The following TCEA3 variants were observed in gnomAD, a reference collection of about 807,000 sequenced individuals.
TCEA3 encodes the protein transcription elongation factor A3, also known as transcription elongation factor A protein 3.
A neutral mutation model predicts 44.0 loss-of-function variants in TCEA3; 36 were observed. The observed-to-expected ratio is 0.82, with a 90% confidence interval of 0.63 to 1.08. The LOEUF (loss-of-function observed/expected upper bound fraction) is 1.08. TCEA3 is among the 50% of genes least tolerant of loss of function. The pLI is 0.00. For missense variants in TCEA3, 392 were observed against 441.2 expected, an observed-to-expected ratio of 0.89 and a Z score of 1.00; for synonymous variants, 162 against 159.7, an observed-to-expected ratio of 1.01 and a Z score of -0.11.
At chr1:23,396,264 C>T (rs544389148) in intron 7 of TCEA3, among the ~76,000 whole-genome samples, 9 of 152,274 alleles carry the variant, frequency 5.9e-5, no homozygotes, top group Admixed American at 2.6e-4. Context: ...TCAAAAGGGT[C>T]GCTCACACCT....
chr1:23,391,149 T>C (rs1398425087), intron 8 of TCEA3, among the ~76,000 whole-genome samples: 9 of 102,460 alleles, frequency 8.8e-5, no homozygotes, highest in Non-Finnish European at 1.9e-5. Flanking sequence ...TCTTTCTTTC[T>C]TTTTTTTTTT....
intron 7 of TCEA3, among the ~76,000 whole-genome samples, chr1:23,397,240 G>A (rs1639242528): frequency 6.6e-6 from 1 of 152,164 alleles, no homozygotes; most frequent in African/African-American, 2.4e-5. Context: ...AGCTGTATGG[G>A]CTTTGGGAAA....
rs112946117 is a variant in TCEA3, at chr1:23,406,669, T to C, written c.443+1995A>G. 2.3e-3 allele frequency among the ~76,000 whole-genome samples: 344 copies of C among 152,330 alleles called. 4 individuals are homozygous for C. Among genetic ancestry groups the C allele is most frequent in the Middle Eastern group, 0.02 (6 of 294 alleles). ...TGTTGTGTTTTGTTTTGTTTTGAGA[T>C]GGAGTCTCGTTCCATCCCCCAGACT... is the stretch of plus-strand genomic sequence containing the variant. On this transcript the variant is annotated intron_variant, in intron 5 of 10. Transcript: ENST00000450454.
chr1:23,398,707 C>T (rs1027825081), intron 5 of TCEA3, among the ~76,000 whole-genome samples: 2 of 152,146 alleles, frequency 1.3e-5, no homozygotes, highest in African/African-American at 4.8e-5. Context: ...GGCTATACAC[C>T]ACCAGGATTT....
At chr1:23,397,014 A>AG (rs1639236055) in intron 7 of TCEA3, among the ~76,000 whole-genome samples, 1 of 151,872 alleles carries the variant, frequency 6.6e-6, no homozygotes, top group Non-Finnish European at 1.5e-5. Context: ...TCAAAAAAAA[A>AG]AAAAAAAAAA....
chr1:23,420,766 A>T (rs1640039103), intron 1 of TCEA3, among the ~76,000 whole-genome samples: 1 of 152,222 alleles, frequency 6.6e-6, no homozygotes, highest in South Asian at 2.1e-4. Flanking sequence ...GCAGAACTAA[A>T]GCAGAAAGAA....
rs75003152 is a variant in TCEA3 at position 23,385,433 on chromosome 1, A to G, written c.967-1016T>C. 2.7e-3 allele frequency among the ~76,000 whole-genome samples: 415 copies of G among 152,344 alleles called. 2 individuals carry two copies. Among genetic ancestry groups the G allele is most frequent in the African/African-American group, 9.5e-3 (394 of 41,568 alleles). On this transcript the variant is annotated intron_variant, in intron 9 of 10. Transcript: ENST00000450454. ...GTTTACTTCTAGAAAGAAGTGAGGC[A>G]CAGGAAGCGCATCACTCCACACGGA...
chr1:23,392,029 C>T (rs1639043628), intron 8 of TCEA3, among the ~76,000 whole-genome samples: 1 of 152,200 alleles, frequency 6.6e-6, no homozygotes, highest in Non-Finnish European at 1.5e-5. Context: ...GAAAGACACA[C>T]TGTAAAGCCA....
chr1:23,419,213 T>G, intron 1 of TCEA3, 74 bp from the exon 2 acceptor site: 1 of 1,187,244 alleles, frequency 8.4e-7, no homozygotes, highest in Non-Finnish European at 1.2e-6. Flanking sequence ...GTGGTCTTGG[T>G]ACAGAGAGCA....
intron 8 of TCEA3, among the ~76,000 whole-genome samples, chr1:23,393,441 C>T (rs1421013230): frequency 2.0e-5 from 3 of 152,022 alleles, no homozygotes; most frequent in Admixed American, 6.6e-5. Context: ...ACCCTCTACA[C>T]ACCTCACACA....
At chr1:23,398,053 CTCA>C in intron 5 of TCEA3, 98 bp from the exon 6 acceptor site, 1 of 1,423,680 alleles carries the variant, frequency 7.0e-7, no homozygotes, top group East Asian at 2.4e-5. Flanking sequence ...TCCTATAATC[CTCA>C]TAACAACCTC....
At chr1:23,411,545 T>C (rs1012986462) in intron 4 of TCEA3, 30 of 224,934 alleles carry the variant, frequency 1.3e-4, no homozygotes, top group African/African-American at 6.5e-4. Context: ...ACAACAATCA[T>C]AGTGAGGCAG....
intron 8 of TCEA3, among the ~76,000 whole-genome samples, 152 bp from the exon 9 acceptor site, chr1:23,387,571 A>G (rs763901584): frequency 6.6e-6 from 1 of 152,218 alleles, no homozygotes; most frequent in Non-Finnish European, 1.5e-5. Context: ...GTCCTGCCCC[A>G]GCTGGGAGAA....
chr1:23,419,100 G>A lies in TCEA3; in HGVS notation c.109C>T (p.Gln37Ter). 1 of 1,578,682 alleles carries A rather than the reference G, an allele frequency of 6.3e-7. No homozygotes were observed. The highest frequency in any genetic ancestry group is 2.3e-5 in the East Asian group (1 of 43,402). Reference protein sequence around the residue: ...LDLLKKLHSCQMSIQLLQTTR... With the variant: ...LDLLKKLHSC ...ACCTGTAGTAGCTGGATGGACATCT[G>A]GCAGCTGTGCAGCTTCTTCAGAAGG... Residue 37 changes from glutamine (Q) to a stop codon, truncating the protein, a stop_gained, in exon 2 of 11, where the codon CAG (glutamine) becomes TAG (stop). Transcript: ENST00000450454. LOFTEE classifies it high-confidence loss of function.
intron 3 of TCEA3, among the ~76,000 whole-genome samples, 188 bp downstream of exon 3, chr1:23,417,716 A>G (rs934795073): frequency 6.6e-6 from 1 of 152,272 alleles, no homozygotes; most frequent in Non-Finnish European, 1.5e-5. Context: ...TCACAAGTCT[A>G]CAAATCTTGC....
At chr1:23,408,565 TC>T (rs769285230) in intron 5 of TCEA3, 98 bp downstream of exon 5, 30 of 1,236,316 alleles carry the variant, frequency 2.4e-5, no homozygotes, top group Non-Finnish European at 3.3e-5. Flanking sequence ...GTTTCTTCCT[TC>T]CCTCCTTTCC....
chr1:23,422,969 A>G (rs1004994635), intron 1 of TCEA3, among the ~76,000 whole-genome samples: 6 of 152,060 alleles, frequency 3.9e-5, no homozygotes, highest in African/African-American at 1.4e-4. Context: ...AGGGGCCCAG[A>G]ATTTCTTTCC....
intron 8 of TCEA3, among the ~76,000 whole-genome samples, chr1:23,391,300 A>G (rs1006338133): frequency 6.6e-6 from 1 of 151,336 alleles, no homozygotes; most frequent in Non-Finnish European, 1.5e-5. Flanking sequence ...TTTAGTAGAG[A>G]CAGGGTTTTG....
chr1:23,420,840 C>T (rs941178844), intron 1 of TCEA3, among the ~76,000 whole-genome samples: 2 of 152,288 alleles, frequency 1.3e-5, no homozygotes, highest in South Asian at 2.1e-4. Context: ...GGACACCCTC[C>T]GACCCATTTC....
Sources: allele counts gnomAD v4.1 joint callset (sites outside exome capture counted in the v4.1 genomes callset), GRCh38; gene constraint gnomAD v4.1.1; transcripts MANE v1.5; gene names NCBI Gene and HGNC (gene_info 2026-07-23, HGNC 2026-07-21).